Variants in WDPCP observed in about 807,000 individuals in gnomAD.
The protein encoded by WDPCP is WD repeat-containing and planar cell polarity effector protein fritz homolog.
WDPCP carries 71 observed loss-of-function variants against 93.1 expected under a neutral mutation model. That is an observed-to-expected ratio of 0.76 (90% CI 0.63 to 0.93). The LOEUF (loss-of-function observed/expected upper bound fraction) is 0.93. Ranked by LOEUF, WDPCP falls within the 40% of genes least tolerant of loss-of-function variation. The pLI is 0.00. For synonymous variants in WDPCP, 315 were observed against 315.0 expected (o/e 1.00, Z 0.00); for missense variants, 844 against 887.4 (o/e 0.95, Z 0.62).
chr2:63,748,889 T>C (rs1471526293), intron 2 of WDPCP, among the ~76,000 whole-genome samples: 2 of 152,060 alleles, frequency 1.3e-5, no homozygotes, highest in African/African-American at 4.8e-5. Flanking sequence ...TTAATTTGCA[T>C]TTGTTTCTGA....
chr2:63,515,470 C>G (rs1290781165), intron 1 of WDPCP, among the ~76,000 whole-genome samples: 1 of 152,158 alleles, frequency 6.6e-6, no homozygotes, highest in Non-Finnish European at 1.5e-5. Context: ...AAGAAATGGT[C>G]AATTCCTAAA....
chr2:63,715,705 A>T (rs1361935743), intron 2 of WDPCP, among the ~76,000 whole-genome samples: 1 of 152,246 alleles, frequency 6.6e-6, no homozygotes, highest in Non-Finnish European at 1.5e-5. Context: ...GAAGAAAAAT[A>T]GCCTATTTCT....
At chr2:63,444,701 G>T (rs1270798200) in intron 6 of WDPCP, among the ~76,000 whole-genome samples, 1 of 152,138 alleles carries the variant, frequency 6.6e-6, no homozygotes, top group East Asian at 1.9e-4. Context: ...AGACCCGCAG[G>T]ATGAACCAAC....
At chr2:63,722,530 C>G (rs1444378521) in intron 2 of WDPCP, among the ~76,000 whole-genome samples, 1 of 132,456 alleles carries the variant, frequency 7.5e-6, no homozygotes, top group South Asian at 2.5e-4. Context: ...CGTCTCCGCC[C>G]GGCCAGCCGC....
intron 2 of WDPCP, among the ~76,000 whole-genome samples, chr2:63,695,522 T>G (rs1668950646): frequency 6.6e-6 from 1 of 152,338 alleles, no homozygotes; most frequent in Non-Finnish European, 1.5e-5. Flanking sequence ...AAATTCAAAT[T>G]TAACTGTCTG....
intron 1 of WDPCP, among the ~76,000 whole-genome samples, chr2:63,572,128 G>T (rs1473785241): frequency 6.6e-6 from 1 of 152,160 alleles, no homozygotes; most frequent in Non-Finnish European, 1.5e-5. Flanking sequence ...CCCATATCGT[G>T]TATTCCAGTC....
At chr2:63,503,100 A>G (rs1701654954) in intron 1 of WDPCP, among the ~76,000 whole-genome samples, 1 of 152,204 alleles carries the variant, frequency 6.6e-6, no homozygotes, top group Admixed American at 6.5e-5. Flanking sequence ...TTTGGAAAAT[A>G]TTTCTCTAGG....
At chr2:63,183,672 G>T (rs937509198) in intron 14 of WDPCP, among the ~76,000 whole-genome samples, 1 of 151,976 alleles carries the variant, frequency 6.6e-6, no homozygotes, top group Non-Finnish European at 1.5e-5. Flanking sequence ...TTTAAGCCCA[G>T]TGTTTCCTTG....
At chr2:63,414,385 C>T (rs746414842) in intron 9 of WDPCP, among the ~76,000 whole-genome samples, 1 of 152,046 alleles carries the variant, frequency 6.6e-6, no homozygotes, top group Non-Finnish European at 1.5e-5. Flanking sequence ...TAGCACAATT[C>T]ACAATTGCAA....
intron 6 of WDPCP, among the ~76,000 whole-genome samples, chr2:63,478,852 CA>C (rs1700109522): frequency 6.6e-6 from 1 of 151,714 alleles, no homozygotes; most frequent in South Asian, 2.1e-4. Flanking sequence ...GAAACTGAAA[CA>C]AACAAACAAC....
At chr2:63,574,373 G>C (rs1231022225) in intron 1 of WDPCP, among the ~76,000 whole-genome samples, 1 of 152,074 alleles carries the variant, frequency 6.6e-6, no homozygotes, top group Non-Finnish European at 1.5e-5. Flanking sequence ...GAAATATCGG[G>C]GGTGAATTTT....
At chr2:63,571,166 C>T (rs1326289488) in intron 1 of WDPCP, among the ~76,000 whole-genome samples, 7 of 152,114 alleles carry the variant, frequency 4.6e-5, no homozygotes, top group Admixed American at 4.6e-4. Context: ...CTGCCTCGGC[C>T]TCCCAAAGTG....
At chr2:63,795,265 T>C (rs1333698970) in intron 2 of WDPCP, among the ~76,000 whole-genome samples, 6 of 152,172 alleles carry the variant, frequency 3.9e-5, no homozygotes, top group Admixed American at 3.9e-4. Context: ...GTTTTCACGC[T>C]GAGAGGATGG....
intron 1 of WDPCP, among the ~76,000 whole-genome samples, chr2:63,530,114 C>A (rs958655882): frequency 6.6e-6 from 1 of 152,110 alleles, no homozygotes. Context: ...GTCTTGCTAG[C>A]AGTCTATCAA....
intron 6 of WDPCP, among the ~76,000 whole-genome samples, chr2:63,460,614 A>G (rs545601095): frequency 1.3e-5 from 2 of 152,172 alleles, no homozygotes; most frequent in Non-Finnish European, 2.9e-5. Context: ...GTATCAATAA[A>G]AGAGAAAAAA....
intron 14 of WDPCP, among the ~76,000 whole-genome samples, chr2:63,216,758 T>C (rs1328675666): frequency 1.3e-5 from 2 of 152,000 alleles, no homozygotes; most frequent in African/African-American, 4.8e-5. Context: ...ATGTAGAACA[T>C]GGCCAAACTT....
chr2:63,186,155 G>A (rs1160940775), intron 14 of WDPCP, among the ~76,000 whole-genome samples: 1 of 152,152 alleles, frequency 6.6e-6, no homozygotes, highest in Non-Finnish European at 1.5e-5. Context: ...GGCATGAGCT[G>A]GGGCACTCAG....
At chr2:63,281,629 G>A (rs1419604478) in intron 13 of WDPCP, among the ~76,000 whole-genome samples, 1 of 152,162 alleles carries the variant, frequency 6.6e-6, no homozygotes, top group Non-Finnish European at 1.5e-5. Flanking sequence ...ATATACTATG[G>A]AATACTACTC....
chr2:63,810,697 A>T (rs551777787), intron 2 of WDPCP, among the ~76,000 whole-genome samples: 1 of 152,230 alleles, frequency 6.6e-6, no homozygotes, highest in Non-Finnish European at 1.5e-5. Context: ...TTTATTCCAT[A>T]TTTTTTATAC....
Sources: gnomAD v4.1 joint callset for allele counts (sites outside exome capture counted in the v4.1 genomes callset) on GRCh38, gnomAD v4.1.1 for gene constraint, MANE v1.5 for transcripts, NCBI Gene and HGNC (gene_info 2026-07-23, HGNC 2026-07-21) for gene names.